Variants in ZNF660 observed in about 807,000 individuals in gnomAD.
ZNF660 encodes the protein zinc finger protein 660.
Under a neutral mutation model 23.2 loss-of-function variants are expected in ZNF660, and 24 were observed. That is an observed-to-expected ratio of 1.04 (90% confidence interval 0.75 to 1.46). ZNF660 has a LOEUF of 1.46. ZNF660 is among the 40% of genes most tolerant of loss of function. The pLI, the probability that ZNF660 is intolerant of heterozygous loss-of-function variation, is 0.00. For missense variants in ZNF660, 373 were observed against 396.8 expected, an observed-to-expected ratio of 0.94 and a Z score of 0.51; for synonymous variants, 117 against 131.4, an observed-to-expected ratio of 0.89 and a Z score of 0.75.
In ZNF660 at chr3:44,597,476, ACTGATTTTGT is replaced by A. The variant is rs1700650068; in HGVS notation, c.*2289_*2298del. Reference sequence around the variant, plus strand: ...TTGTATATTTGTGTGAAAAAAAATTACTGATTTTGTCCTATTTTGATAGGATAGTGGTTTG... The same window carrying A: ...TTGTATATTTGTGTGAAAAAAAATTACCTATTTTGATAGGATAGTGGTTTG... On this transcript the variant is annotated 3_prime_UTR_variant, in exon 3 of 3. Transcript: ENST00000322734. The surrounding 1 kb of genome is among the most constrained non-coding windows in gnomAD (Gnocchi z 4.1). The A allele has an allele frequency of 6.6e-6, 1 of 152,124 alleles. No individual in the cohort carries two copies. The highest frequency in any genetic ancestry group is 2.1e-4 in the South Asian group (1 of 4,824). The allele number at this position is 152,124 out of a possible 1,614,324, so 9.4% of individuals were successfully genotyped here.
At chr3:44,592,782 G>C (rs572727716) in intron 2 of ZNF660, among the ~76,000 whole-genome samples, 1 of 152,164 alleles carries the variant, frequency 6.6e-6, no homozygotes, top group Non-Finnish European at 1.5e-5. Flanking sequence ...GGCTGGGCGC[G>C]GTGGCTAACG....
intron 2 of ZNF660, among the ~76,000 whole-genome samples, chr3:44,589,610 A>AT (rs1242070431): frequency 5.9e-5 from 9 of 152,346 alleles, no homozygotes; most frequent in Admixed American, 5.9e-4. Context: ...AAGAAGGAAA[A>AT]TAACAAGAGT....
At chr3:44,592,676 C>T (rs1418109897) in intron 2 of ZNF660, among the ~76,000 whole-genome samples, 1 of 152,168 alleles carries the variant, frequency 6.6e-6, no homozygotes. Flanking sequence ...CCAATTTAGC[C>T]TCTCAGACTC....
intron 1 of ZNF660, among the ~76,000 whole-genome samples, chr3:44,585,818 G>A (rs1298105555): frequency 6.6e-6 from 1 of 152,164 alleles, no homozygotes; most frequent in Non-Finnish European, 1.5e-5. Context: ...TGAGAATATG[G>A]AAGCTTTTAG....
chr3:44,593,447 C>T (rs1700497597), intron 2 of ZNF660, among the ~76,000 whole-genome samples: 1 of 152,114 alleles, frequency 6.6e-6, no homozygotes, highest in African/African-American at 2.4e-5. Flanking sequence ...GGTGCGGTGG[C>T]TCATGCCTAT....
At chr3:44,593,815 C>G (rs1700516474) in intron 2 of ZNF660, among the ~76,000 whole-genome samples, 199 bp from the exon 3 acceptor site, 1 of 152,050 alleles carries the variant, frequency 6.6e-6, no homozygotes, top group Non-Finnish European at 1.5e-5. Flanking sequence ...ACCTGCTGGG[C>G]TCCCCTTAGC....
At position 44,594,108 on chromosome 3, in the gene ZNF660, T is replaced by C. The variant is rs528037073; in HGVS notation, c.-86T>C. The C allele has an allele frequency of 3.9e-6, 6 of 1,520,368 alleles. No homozygotes were observed. The highest frequency in any genetic ancestry group is 3.4e-5 in the South Asian group (3 of 87,252). 94.2% of individuals were successfully genotyped at this position (1,520,368 alleles called of 1,614,324 possible). A position where few individuals can be genotyped will look rare whatever the true frequency, so the allele number is the denominator to read the frequency against. On this transcript the variant is annotated 5_prime_UTR_variant, in exon 3 of 3. Coordinates refer to ENST00000322734, the MANE Select transcript of ZNF660 (RefSeq NM_173658.4). ...CTTTCAAGAGAATTCCACAGAGACA[T>C]TGCCCAGGAAGTCAAAATTTAGAAG...
At chr3:44,587,096 A>G (rs1387425683) in intron 2 of ZNF660, 2 of 151,856 alleles carry the variant, frequency 1.3e-5, no homozygotes, top group African/African-American at 4.8e-5. Context: ...CAATGTTTAC[A>G]TTTCACTTAT....
chr3:44,595,282 T>C lies in ZNF660; in HGVS notation c.*93T>C. 7.3e-7 allele frequency: 1 copy of C among 1,361,214 alleles called. No homozygotes were observed. The highest frequency in any genetic ancestry group is 9.9e-7 in the Non-Finnish European group (1 of 1,012,462). The allele number at this position is 1,361,214 out of a possible 1,614,324, so 84.3% of individuals were successfully genotyped here. On this transcript the variant is annotated 3_prime_UTR_variant, in exon 3 of 3. Coordinates refer to ENST00000322734, the MANE Select transcript of ZNF660 (RefSeq NM_173658.4). ...TTAATTCTACTTCTAAGAATCATACTCTACTTCTAAGAAAATAATTAGAAG... is the reference window on the plus strand; with the variant it reads ...TTAATTCTACTTCTAAGAATCATACCCTACTTCTAAGAAAATAATTAGAAG...
At chr3:44,592,161 A>AT (rs1278188731) in intron 2 of ZNF660, among the ~76,000 whole-genome samples, 2 of 152,210 alleles carry the variant, frequency 1.3e-5, no homozygotes, top group Non-Finnish European at 2.9e-5. Context: ...GAGATTTTAA[A>AT]TGTTCTTACC....
In ZNF660 at chr3:44,596,321, GGTT is replaced by G. The variant is rs1395501375; in HGVS notation, c.*1138_*1140del. 6 of 152,180 alleles carry G rather than the reference GGTT, an allele frequency of 3.9e-5. No homozygotes were observed. The highest frequency in any genetic ancestry group is 5.9e-5 in the Non-Finnish European group (4 of 68,036). The allele number at this position is 152,180 out of a possible 1,614,324, so 9.4% of individuals were successfully genotyped here. A position where few individuals can be genotyped will look rare whatever the true frequency, so the allele number is the denominator to read the frequency against. The stretch of plus-strand genomic sequence containing the variant: ...AAAGGAACAATTACCTACCTTACAA[GGTT>G]GTTGTGAGGATTAAGTGAGTAATGC... On this transcript the variant is annotated 3_prime_UTR_variant, in exon 3 of 3. Coordinates refer to ENST00000322734, the MANE Select transcript of ZNF660 (RefSeq NM_173658.4).
rs753439089 is a variant in ZNF660, at chr3:44,594,522, A to T, written c.329A>T (p.Glu110Val). 1.9e-6 allele frequency: 3 copies of T among 1,614,210 alleles called. No individual in the cohort carries two copies. In the South Asian group the frequency reaches 3.3e-5, roughly 18 times the overall value. ...GGACTGAAGCCCTATACATGCAGTG[A>T]ATGTGGGAAATCTTTCAGTGGAAAG... is the stretch of plus-strand genomic sequence containing the variant. ...HTGLKPYTCS[E>V]CGKSFSGKSH... Residue 110 changes from glutamate to valine, a missense_variant, in exon 3 of 3, where the codon GAA (glutamate) becomes GTA (valine). Glu to Val is a moderately radical substitution (Grantham distance 121). Transcript: ENST00000322734.
intron 2 of ZNF660, among the ~76,000 whole-genome samples, chr3:44,587,743 C>A (rs530379210): frequency 6.6e-6 from 1 of 152,260 alleles, no homozygotes; most frequent in Admixed American, 6.5e-5. Context: ...TTGTGTTAGG[C>A]TATTCTTGTG....
In ZNF660 at chr3:44,598,829, T is replaced by C. The variant is rs574519153; in HGVS notation, c.*3640T>C. 6.6e-6 allele frequency: 1 copy of C among 152,360 alleles called. No individual in the cohort carries two copies. Among genetic ancestry groups the C allele is most frequent in the African/African-American group, 2.4e-5 (1 of 41,562 alleles). The allele number at this position is 152,360 out of a possible 1,614,324, so 9.4% of individuals were successfully genotyped here. A position where few individuals can be genotyped will look rare whatever the true frequency, so the allele number is the denominator to read the frequency against. Reference sequence around the variant, plus strand: ...TCTCTGTACTGCCATTTCTTCTCTCTTCTCCATCAGAAACTTAGCTCTAAT... The same window carrying C: ...TCTCTGTACTGCCATTTCTTCTCTCCTCTCCATCAGAAACTTAGCTCTAAT... On this transcript the variant is annotated 3_prime_UTR_variant, in exon 3 of 3. Coordinates refer to ENST00000322734, the MANE Select transcript of ZNF660 (RefSeq NM_173658.4).
chr3:44,587,061 T>C (rs533669871), intron 2 of ZNF660: 12 of 152,356 alleles, frequency 7.9e-5, no homozygotes, highest in African/African-American at 2.6e-4. Context: ...GCTTAGGCCT[T>C]TCTTCTAATT....
rs766389329 is a variant in ZNF660, at chr3:44,595,227, T to C, written c.*38T>C. On this transcript the variant is annotated 3_prime_UTR_variant, in exon 3 of 3. Transcript: ENST00000322734. ...GTGGGTAGTAGGGCTGACTGCTGCTTTTCTAAAAAGTAGTTCTTTAGTATC... is the reference window on the plus strand; with the variant it reads ...GTGGGTAGTAGGGCTGACTGCTGCTCTTCTAAAAAGTAGTTCTTTAGTATC... The C allele has an allele frequency of 2.5e-5, 38 of 1,506,598 alleles. No homozygotes were observed. Among genetic ancestry groups the C allele is most frequent in the Non-Finnish European group, 3.3e-5 (37 of 1,129,204 alleles). The allele number at this position is 1,506,598 out of a possible 1,614,324, so 93.3% of individuals were successfully genotyped here.
At chr3:44,585,054 G>C (rs954233556) in intron 1 of ZNF660, 47 bp downstream of exon 1, 8 of 152,498 alleles carry the variant, frequency 5.2e-5, no homozygotes, top group African/African-American at 1.7e-4. Flanking sequence ...GCCGGGTTCT[G>C]GGAGCGTGTG....
chr3:44,595,305 A>G lies in ZNF660; in HGVS notation c.*116A>G, dbSNP rs975716187. Reference sequence around the variant, plus strand: ...ACTCTACTTCTAAGAAAATAATTAGAAGTAGACAAAGATTAATGAAAGGGA... The same window carrying G: ...ACTCTACTTCTAAGAAAATAATTAGGAGTAGACAAAGATTAATGAAAGGGA... On this transcript the variant is annotated 3_prime_UTR_variant, in exon 3 of 3. Transcript: ENST00000322734. 6.6e-6 allele frequency: 8 copies of G among 1,203,998 alleles called. No individual in the cohort carries two copies. The highest frequency in any genetic ancestry group is 9.1e-6 in the Non-Finnish European group (8 of 881,914). The allele number at this position is 1,203,998 out of a possible 1,614,324, so 74.6% of individuals were successfully genotyped here.
Position 44,592,178 on chromosome 3 carries a change from AAAT to A in ZNF660, c.-180-1830_-180-1828del, listed in dbSNP as rs1208978107. Among the ~76,000 whole-genome samples, 15 of 152,082 alleles carry A rather than the reference AAAT, an allele frequency of 9.9e-5. 1 individual carries two copies. The highest frequency in any genetic ancestry group is 4.1e-4 in the South Asian group (2 of 4,836). ...GATTTTAAATGTTCTTACCATGAAAAAATAATAAGTATGTGAAGTAATGGATAT... is the reference window on the plus strand; with the variant it reads ...GATTTTAAATGTTCTTACCATGAAAAAATAAGTATGTGAAGTAATGGATAT... On this transcript the variant is annotated intron_variant, in intron 2 of 2. Coordinates refer to ENST00000322734, the MANE Select transcript of ZNF660 (RefSeq NM_173658.4).
Sources: allele counts gnomAD v4.1 joint callset (sites outside exome capture counted in the v4.1 genomes callset), GRCh38; gene constraint gnomAD v4.1.1; non-coding constraint Gnocchi (gnomAD v3.1); transcripts MANE v1.5; gene names NCBI Gene and HGNC (gene_info 2026-07-23, HGNC 2026-07-21).